Variants in ADAMTSL1 observed in about 807,000 individuals in gnomAD.
ADAMTSL1 encodes the protein ADAMTS like 1.
In ADAMTSL1, 126 loss-of-function variants were observed where a neutral mutation model predicts 201.8. That is an observed-to-expected ratio of 0.62 (90% CI 0.54 to 0.72). ADAMTSL1 has a LOEUF of 0.72. Among genes scored for constraint, ADAMTSL1 ranks in the 30% least tolerant of loss-of-function variants. The pLI, the probability that ADAMTSL1 is intolerant of heterozygous loss-of-function variation, is 0.00. For missense variants in ADAMTSL1, 2,679 were observed against 2,277.8 expected (o/e 1.18, Z -3.59); for synonymous variants, 1,121 against 903.4 (o/e 1.24, Z -4.32).
intron 4 of ADAMTSL1, among the ~76,000 whole-genome samples, chr9:18,606,582 A>G (rs545468169): frequency 6.6e-6 from 1 of 152,284 alleles, no homozygotes; most frequent in African/African-American, 2.4e-5. Context: ...TGTAATAGGA[A>G]TGACATTTTT....
intron 1 of ADAMTSL1, among the ~76,000 whole-genome samples, chr9:18,033,223 G>A (rs1280117511): frequency 6.6e-6 from 1 of 151,948 alleles, no homozygotes; most frequent in Non-Finnish European, 1.5e-5. Flanking sequence ...GATTCTTATG[G>A]TACCACTTTA....
chr9:18,258,029 G>C (rs1831758398), intron 2 of ADAMTSL1, among the ~76,000 whole-genome samples: 1 of 152,174 alleles, frequency 6.6e-6, no homozygotes, highest in South Asian at 2.1e-4. Flanking sequence ...AAAGTTTTTG[G>C]AAATAGATCT....
chr9:18,622,687 G>A (rs1423386894), intron 5 of ADAMTSL1: 8 of 511,058 alleles, frequency 1.6e-5, no homozygotes, highest in African/African-American at 5.8e-5. Context: ...GCTCCTGCGT[G>A]ATGTGTAGTG....
chr9:18,436,367 T>A (rs1819732287), intron 2 of ADAMTSL1, among the ~76,000 whole-genome samples: 1 of 152,138 alleles, frequency 6.6e-6, no homozygotes, highest in Non-Finnish European at 1.5e-5. Context: ...CTCAAGCACA[T>A]CACTCTTTTC....
intron 2 of ADAMTSL1, among the ~76,000 whole-genome samples, chr9:18,368,501 C>T (rs969975391): frequency 6.6e-6 from 1 of 152,102 alleles, no homozygotes; most frequent in Non-Finnish European, 1.5e-5. Context: ...ATTTTTTTGT[C>T]ACCATCTTAC....
chr9:18,766,170 G>A (rs1820352651), intron 16 of ADAMTSL1, among the ~76,000 whole-genome samples: 1 of 152,162 alleles, frequency 6.6e-6, no homozygotes, highest in African/African-American at 2.4e-5. Context: ...CTAGAACCAT[G>A]CTTGGTTCAT....
upstream of ADAMTSL1, among the ~76,000 whole-genome samples, chr9:18,473,612 G>A (rs1367630285): frequency 1.3e-5 from 2 of 152,136 alleles, no homozygotes; most frequent in Non-Finnish European, 2.9e-5. Flanking sequence ...GGAACTTTAT[G>A]GAGGCGAAAT....
chr9:18,445,896 T>G (rs890037201), intron 2 of ADAMTSL1, among the ~76,000 whole-genome samples: 1 of 152,188 alleles, frequency 6.6e-6, no homozygotes, highest in African/African-American at 2.4e-5. Flanking sequence ...TGCACAATAC[T>G]GTATCAAATA....
intron 1 of ADAMTSL1, among the ~76,000 whole-genome samples, chr9:18,486,246 C>G (rs372679347): frequency 5.3e-5 from 8 of 152,184 alleles, no homozygotes; most frequent in Non-Finnish European, 8.8e-5. Flanking sequence ...TGAAGGTATT[C>G]GGGAACAACC....
At chr9:18,801,335 C>G (rs868202724) in intron 20 of ADAMTSL1, among the ~76,000 whole-genome samples, 1 of 152,164 alleles carries the variant, frequency 6.6e-6, no homozygotes, top group Admixed American at 6.5e-5. Context: ...ATTTATTTAG[C>G]AAACTTATAT....
At chr9:18,375,013 C>T (rs190858500) in intron 2 of ADAMTSL1, among the ~76,000 whole-genome samples, 1 of 152,334 alleles carries the variant, frequency 6.6e-6, no homozygotes, top group Admixed American at 6.5e-5. Flanking sequence ...GCATGGGTAC[C>T]TTCGGTAGCT....
At chr9:18,372,648 T>C (rs1291112633) in intron 2 of ADAMTSL1, among the ~76,000 whole-genome samples, 1 of 152,206 alleles carries the variant, frequency 6.6e-6, no homozygotes, top group Non-Finnish European at 1.5e-5. Flanking sequence ...ACCAACATTA[T>C]AAAAATACAT....
intron 1 of ADAMTSL1, among the ~76,000 whole-genome samples, chr9:17,934,817 T>C (rs1024862161): frequency 2.6e-5 from 4 of 151,658 alleles, no homozygotes; most frequent in African/African-American, 9.7e-5. Context: ...GTCATTCTAC[T>C]TGGCGCCCCA....
At chr9:18,853,126 A>C (rs528364016) in intron 23 of ADAMTSL1, among the ~76,000 whole-genome samples, 1 of 152,272 alleles carries the variant, frequency 6.6e-6, no homozygotes, top group East Asian at 1.9e-4. Flanking sequence ...ATGGCATCTG[A>C]GTAGACTTCA....
chr9:18,365,351 C>T (rs1465734931), intron 2 of ADAMTSL1, among the ~76,000 whole-genome samples: 1 of 152,102 alleles, frequency 6.6e-6, no homozygotes, highest in Non-Finnish European at 1.5e-5. Context: ...TCAAAAGCAG[C>T]ACACTCTTTA....
At chr9:18,521,836 C>A (rs773517302) in intron 2 of ADAMTSL1, among the ~76,000 whole-genome samples, 104 of 152,056 alleles carry the variant, frequency 6.8e-4, no homozygotes, top group Non-Finnish European at 1.2e-3. Flanking sequence ...TAAAGCAAAG[C>A]TAAGAAAAAG....
chr9:18,029,024 T>C (rs1465210625), intron 1 of ADAMTSL1, among the ~76,000 whole-genome samples: 3 of 152,148 alleles, frequency 2.0e-5, no homozygotes, highest in Non-Finnish European at 2.9e-5. Flanking sequence ...TTTGAAGCAA[T>C]TGTGAATGGG....
intron 1 of ADAMTSL1, among the ~76,000 whole-genome samples, chr9:18,149,941 G>T (rs1469958989): frequency 6.6e-6 from 1 of 152,038 alleles, no homozygotes; most frequent in Non-Finnish European, 1.5e-5. Flanking sequence ...ACAGTTTCTG[G>T]CTTGGATTAC....
chr9:18,393,034 A>G (rs766926772), intron 2 of ADAMTSL1, among the ~76,000 whole-genome samples: 11 of 152,192 alleles, frequency 7.2e-5, no homozygotes, highest in Non-Finnish European at 1.2e-4. Flanking sequence ...TAAGGGGCAC[A>G]TAATTTTCTC....
Sources: gnomAD v4.1 joint callset for allele counts (sites outside exome capture counted in the v4.1 genomes callset) on GRCh38, gnomAD v4.1.1 for gene constraint, MANE v1.5 for transcripts, NCBI Gene and HGNC (gene_info 2026-07-23, HGNC 2026-07-21) for gene names.